The following ARHGEF11 variants were observed in gnomAD, a reference collection of about 807,000 sequenced individuals.
The protein encoded by ARHGEF11 is Rho guanine nucleotide exchange factor 11, also known as Rho guanine exchange factor (GEF) 11.
In ARHGEF11, 55 loss-of-function variants were observed where a neutral mutation model predicts 193.7. That is an observed-to-expected ratio of 0.28 (90% CI 0.23 to 0.36). The LOEUF (loss-of-function observed/expected upper bound fraction) is 0.36. Ranked by LOEUF, ARHGEF11 falls within the 10% of genes least tolerant of loss-of-function variation. The pLI is 1.00. For synonymous variants in ARHGEF11, 693 were observed against 768.0 expected (o/e 0.90, Z 1.62); for missense variants, 1,723 against 2,005.6 (o/e 0.86, Z 2.69).
At chr1:156,951,427 GA>G in intron 22 of ARHGEF11, 145 bp downstream of exon 22, 2 of 1,070,508 alleles carry the variant, frequency 1.9e-6, no homozygotes, top group Non-Finnish European at 2.6e-6. Context: ...GTCTCCTGAA[GA>G]TACTGGGGGT....
rs985019713 is a variant in ARHGEF11 at position 156,989,522 on chromosome 1, TC to T, written c.33-3350del. 7.2e-5 allele frequency among the ~76,000 whole-genome samples: 11 copies of T among 152,344 alleles called. No individual in the cohort carries two copies. The South Asian group carries it at 1.7e-3, about 23-fold the overall frequency. On this transcript the variant is annotated intron_variant, in intron 1 of 40. Transcript: ENST00000368194. ...CCAATAACTTGGTATTAAAGGACTT[TC>T]ATCCTGTGGACCCAAACGTCTTTTC... is the stretch of plus-strand genomic sequence containing the variant.
Position 156,977,034 on chromosome 1 carries a change from A to G in ARHGEF11, c.531T>C (p.His177=), listed in dbSNP as rs372314152. 9.3e-6 allele frequency: 15 copies of G among 1,613,798 alleles called. No individual in the cohort carries two copies. The highest frequency in any genetic ancestry group is 1.2e-5 in the Non-Finnish European group (14 of 1,179,936). ...KPLQDPEVQK[H]ATQILRNMLR... is the part of the protein sequence containing the mutation. ...GCATATTCCTGAGGATCTGGGTGGC[A>G]TGTTTTTGAACTTCGGGATCCTAGA... Residue 177 remains histidine, a synonymous_variant, in exon 7 of 41, where the codon CAT becomes CAC. Coordinates refer to ENST00000368194, the MANE Select transcript of ARHGEF11 (RefSeq NM_198236.3).
chr1:156,959,005 G>A, intron 16 of ARHGEF11, 41 bp downstream of exon 16: 1 of 1,611,532 alleles, frequency 6.2e-7, no homozygotes, highest in Non-Finnish European at 8.5e-7. Context: ...AGAGGCGGAG[G>A]TGAACGAGGA....
rs754568885 is a variant in ARHGEF11 at position 156,963,474 on chromosome 1, T to A, written c.1038+46A>T. On this transcript the variant is annotated intron_variant, in intron 12 of 40. Transcript: ENST00000368194. ...ACTGCTTCTAGTCAAGAGCAGCTTG[T>A]ATGACAAAAAAAAATGATGAAAGGA... The A allele has an allele frequency of 6.3e-6, 10 of 1,594,304 alleles. No individual in the cohort carries two copies. In the Admixed American group the frequency reaches 6.8e-5, roughly 11 times the overall value.
Position 156,959,085 on chromosome 1 carries a change from G to A in ARHGEF11, c.1340C>T (p.Ala447Val), listed in dbSNP as rs1660398209. ...ARGVLCEAQE[A>V]AMPEIQEQIH... ...CTGCTCTTGGATCTCAGGCATGGCT[G>A]CCTCTTGAGCTTCACAGAGAACACC... Residue 447 changes from alanine (A) to valine (V), a missense_variant, in exon 16 of 41, where the codon GCA (alanine) becomes GTA (valine). By Grantham distance (64) the Ala-to-Val change is moderately conservative. This residue lies in a region of ARHGEF11 where 646 missense variants were observed against 710.7 expected (regional missense o/e 0.91). Transcript: ENST00000368194. 2 of 1,614,240 alleles carry A rather than the reference G, an allele frequency of 1.2e-6. No homozygotes were observed. The highest frequency in any genetic ancestry group is 1.7e-6 in the Non-Finnish European group (2 of 1,180,044).
chr1:157,032,688 C>T (rs1057491485), intron 1 of ARHGEF11, among the ~76,000 whole-genome samples: 1 of 152,098 alleles, frequency 6.6e-6, no homozygotes, highest in African/African-American at 2.4e-5. Context: ...CTATGTCCAT[C>T]ACCATTTCTT....
chr1:156,970,919 T>C (rs1409700659), intron 8 of ARHGEF11, among the ~76,000 whole-genome samples: 1 of 152,222 alleles, frequency 6.6e-6, no homozygotes. Flanking sequence ...CTATCAGCCA[T>C]GTAATATGAG....
At chr1:156,968,589 C>T (rs528171835) in intron 10 of ARHGEF11, among the ~76,000 whole-genome samples, 24 of 152,312 alleles carry the variant, frequency 1.6e-4, no homozygotes, top group Admixed American at 6.5e-5. Flanking sequence ...TTCCCATGGA[C>T]AGGGCAGTAA....
At chr1:157,028,383 G>T (rs939736993) in intron 1 of ARHGEF11, among the ~76,000 whole-genome samples, 1 of 152,184 alleles carries the variant, frequency 6.6e-6, no homozygotes, top group African/African-American at 2.4e-5. Flanking sequence ...GGAACCTCAT[G>T]AAAGAAATAC....
chr1:156,937,685 G>A (rs1266444983), intron 38 of ARHGEF11, among the ~76,000 whole-genome samples, 189 bp from the exon 39 acceptor site: 1 of 152,192 alleles, frequency 6.6e-6, no homozygotes, highest in Non-Finnish European at 1.5e-5. Flanking sequence ...AGACCTTCTA[G>A]ATGACACTTG....
At chr1:157,010,778 A>G (rs1668448907) in intron 1 of ARHGEF11, among the ~76,000 whole-genome samples, 1 of 152,206 alleles carries the variant, frequency 6.6e-6, no homozygotes, top group South Asian at 2.1e-4. Flanking sequence ...ATCCCATATT[A>G]ATAGCGGCAA....
chr1:156,952,774 G>A (rs1659310053), intron 21 of ARHGEF11, among the ~76,000 whole-genome samples: 1 of 152,286 alleles, frequency 6.6e-6, no homozygotes, highest in African/African-American at 2.4e-5. Context: ...AAGTAGCTGT[G>A]GGTGCACATG....
At chr1:156,988,426 A>G (rs1397240711) in intron 1 of ARHGEF11, among the ~76,000 whole-genome samples, 2 of 152,160 alleles carry the variant, frequency 1.3e-5, no homozygotes, top group Admixed American at 6.5e-5. Flanking sequence ...AGGGCTATCC[A>G]CGCTGGGCTT....
Position 156,947,295 on chromosome 1 carries a change from G to A in ARHGEF11, c.2488+9C>T, listed in dbSNP as rs1397686617. 1 of 1,597,204 alleles carries A rather than the reference G, an allele frequency of 6.3e-7. No individual in the cohort carries two copies. Among genetic ancestry groups the A allele is most frequent in the Non-Finnish European group, 8.5e-7 (1 of 1,173,748 alleles). On this transcript the variant is annotated intron_variant, in intron 26 of 40. Transcript: ENST00000368194. ...AGAAGAGGAGTCTGGAGGGGCACAGGCTCCTTACTGTGAATCTCTATGAGT... is the reference window on the plus strand; with the variant it reads ...AGAAGAGGAGTCTGGAGGGGCACAGACTCCTTACTGTGAATCTCTATGAGT...
chr1:157,009,110 G>A (rs1222466094), intron 1 of ARHGEF11, among the ~76,000 whole-genome samples: 2 of 152,122 alleles, frequency 1.3e-5, no homozygotes, highest in Non-Finnish European at 2.9e-5. Context: ...ATAAATCCTA[G>A]GGGGCAGTTT....
intron 1 of ARHGEF11, among the ~76,000 whole-genome samples, chr1:157,030,754 T>C (rs578063387): frequency 1.3e-5 from 2 of 152,228 alleles, no homozygotes; most frequent in East Asian, 1.9e-4. Context: ...AAAGCCTCCC[T>C]GAGCATGCTT....
intron 8 of ARHGEF11, 121 bp downstream of exon 8, chr1:156,971,576 T>A (rs1183655281): frequency 7.7e-7 from 1 of 1,302,714 alleles, no homozygotes; most frequent in East Asian, 2.5e-5. Context: ...ACTAAACACT[T>A]ACTAGTTCAG....
rs1006922780 is a variant in ARHGEF11 at position 156,938,696 on chromosome 1, A to T, written c.4097-183T>A. The T allele has an allele frequency of 1.4e-5, 7 of 512,674 alleles. No individual in the cohort carries two copies. The East Asian group carries it at 2.0e-4, about 15-fold the overall frequency. 31.8% of individuals were successfully genotyped at this position (512,674 alleles called of 1,614,324 possible). A position where few individuals can be genotyped will look rare whatever the true frequency, so the allele number is the denominator to read the frequency against. On this transcript the variant is annotated intron_variant, in intron 37 of 40. Coordinates refer to ENST00000368194, the MANE Select transcript of ARHGEF11 (RefSeq NM_198236.3). ...AGGCAGTGCAGAGAACTTTCCACCA[A>T]TTCACCGAGAGACAGAGAAGGAAGG...
chr1:156,958,656 G>A, intron 17 of ARHGEF11, 86 bp downstream of exon 17: 1 of 1,568,014 alleles, frequency 6.4e-7, no homozygotes, highest in Non-Finnish European at 8.7e-7. Flanking sequence ...AAGTGGAAGA[G>A]GGGGAGAGGT....
Sources: allele counts gnomAD v4.1 joint callset (sites outside exome capture counted in the v4.1 genomes callset), GRCh38; gene constraint gnomAD v4.1.1; regional missense constraint gnomAD v4.1.1; transcripts MANE v1.5; gene names NCBI Gene and HGNC (gene_info 2026-07-23, HGNC 2026-07-21).